The following MOXD1 variants were observed in gnomAD, a reference collection of about 807,000 sequenced individuals.
The protein encoded by MOXD1 is monooxygenase DBH like 1, also known as DBH-like monooxygenase protein 1.
A neutral mutation model predicts 66.6 loss-of-function variants in MOXD1; 62 were observed. The observed-to-expected ratio is 0.93, with a 90% CI of 0.76 to 1.15. The LOEUF (loss-of-function observed/expected upper bound fraction) is 1.15, where lower values mean the gene tolerates loss of function less well. Among genes scored for constraint, MOXD1 ranks in the 50% most tolerant of loss-of-function variants. The probability of loss-of-function intolerance (pLI) is 0.00; values close to 1 mark genes in which losing one functional copy is unlikely to be tolerated. For missense variants in MOXD1, 847 were observed against 754.6 expected, an observed-to-expected ratio of 1.12 and a Z score of -1.44; for synonymous variants, 303 against 281.9, an observed-to-expected ratio of 1.07 and a Z score of -0.75.
At chr6:132,304,395 C>T (rs1412964595) in intron 10 of MOXD1, among the ~76,000 whole-genome samples, 2 of 152,144 alleles carry the variant, frequency 1.3e-5, no homozygotes, top group Non-Finnish European at 2.9e-5. Context: ...TGTTATCCCA[C>T]CCCAAGCCAA....
intron 6 of MOXD1, among the ~76,000 whole-genome samples, chr6:132,327,609 C>T (rs550671056): frequency 1.3e-5 from 2 of 152,284 alleles, no homozygotes; most frequent in East Asian, 3.9e-4. Context: ...GCTTACCACA[C>T]AACAAAATGC....
chr6:132,349,476 TATATAC>T (rs1338421939), intron 4 of MOXD1, among the ~76,000 whole-genome samples: 8 of 39,040 alleles, frequency 2.0e-4, no homozygotes, highest in East Asian at 3.5e-3. Flanking sequence ...CATATATATA[TATATAC>T]ATATATATAT....
At chr6:132,391,903 T>C in intron 1 of MOXD1, 1 of 254,402 alleles carries the variant, frequency 3.9e-6, no homozygotes, top group Non-Finnish European at 7.4e-6. Context: ...AAGAGCATCA[T>C]CCTGTGTTCC....
intron 8 of MOXD1, among the ~76,000 whole-genome samples, chr6:132,321,770 C>T (rs1352055427): frequency 6.6e-6 from 1 of 152,122 alleles, no homozygotes; most frequent in Non-Finnish European, 1.5e-5. Context: ...TCCTTAAGAA[C>T]CTTGACAAGA....
intron 6 of MOXD1, among the ~76,000 whole-genome samples, chr6:132,325,951 T>C (rs995730272): frequency 2.0e-5 from 3 of 152,256 alleles, no homozygotes. Flanking sequence ...CATGATAATG[T>C]AGAATATCTA....
intron 4 of MOXD1, among the ~76,000 whole-genome samples, chr6:132,339,428 GTGC>G (rs1195734549): frequency 6.6e-6 from 1 of 152,180 alleles, no homozygotes; most frequent in African/African-American, 2.4e-5. Context: ...TCTTCGTTAG[GTGC>G]TGAGGGAGGA....
At chr6:132,398,772 C>G (rs923526833) in intron 1 of MOXD1, among the ~76,000 whole-genome samples, 1 of 151,622 alleles carries the variant, frequency 6.6e-6, no homozygotes, top group Non-Finnish European at 1.5e-5. Context: ...AAACCCGGTC[C>G]CTACTAAAAT....
At chr6:132,362,643 G>A (rs1776037062) in intron 4 of MOXD1, among the ~76,000 whole-genome samples, 1 of 152,098 alleles carries the variant, frequency 6.6e-6, no homozygotes, top group African/African-American at 2.4e-5. Flanking sequence ...TTTACAGATC[G>A]TTATAGCAAA....
At chr6:132,302,034 A>C (rs968438624) in intron 10 of MOXD1, among the ~76,000 whole-genome samples, 1 of 152,166 alleles carries the variant, frequency 6.6e-6, no homozygotes, top group Non-Finnish European at 1.5e-5. Flanking sequence ...TTACATATTC[A>C]AGGTAGACTA....
chr6:132,333,689 C>T (rs1775373087), intron 4 of MOXD1, among the ~76,000 whole-genome samples: 1 of 152,148 alleles, frequency 6.6e-6, no homozygotes, highest in Non-Finnish European at 1.5e-5. Context: ...CCCCTGATGA[C>T]ATCAAACTAT....
rs751599668 is a variant in MOXD1, at chr6:132,372,613, T to C, written c.658A>G (p.Ile220Val). ...CCTATGAATGAGTCACATACCTTTA[T>C]TACATGATGCTTTTCTTGGAACACA... is the stretch of plus-strand genomic sequence containing the variant. ...IPVFQEKHHV[I>V]KVEPVIQRGH... The change falls in exon 4 of 12, where the codon ATA (isoleucine) becomes GTA (valine). Residue 220 changes from isoleucine to valine, a missense_variant. Transcript: ENST00000367963. 9.3e-6 allele frequency: 15 copies of C among 1,611,534 alleles called. No homozygotes were observed. In the East Asian group the frequency reaches 3.1e-4, roughly 34 times the overall value.
At chr6:132,344,751 A>G (rs899509684) in intron 4 of MOXD1, among the ~76,000 whole-genome samples, 6 of 152,102 alleles carry the variant, frequency 3.9e-5, no homozygotes, top group Non-Finnish European at 7.4e-5. Flanking sequence ...TTCTGAACTC[A>G]TGAAAGTCCC....
intron 7 of MOXD1, 25 bp from the exon 8 acceptor site, chr6:132,322,895 C>T (rs753475349): frequency 8.2e-6 from 13 of 1,583,478 alleles, no homozygotes; most frequent in African/African-American, 5.4e-5. Flanking sequence ...GAGGAAGACC[C>T]GATTAGCCCA....
intron 10 of MOXD1, among the ~76,000 whole-genome samples, chr6:132,315,225 C>T (rs1448830179): frequency 1.3e-5 from 2 of 152,182 alleles, no homozygotes. Flanking sequence ...GACAACATTC[C>T]ATACATGTTG....
Position 132,354,848 on chromosome 6 carries a change from G to A in MOXD1, c.663+17760C>T, listed in dbSNP as rs559098103. 2.0e-3 allele frequency among the ~76,000 whole-genome samples: 303 copies of A among 152,232 alleles called. 1 individual carries two copies. The highest frequency in any genetic ancestry group is 7.0e-3 in the South Asian group (34 of 4,824). On this transcript the variant is annotated intron_variant, in intron 4 of 11. Transcript: ENST00000367963. ...TTGCTGCAGCTGCTGTGGGGAATGG[G>A]GGTGAGGTTCCCAGGTCAATGGAGT...
intron 4 of MOXD1, among the ~76,000 whole-genome samples, chr6:132,353,714 G>A (rs1186818975): frequency 6.6e-6 from 1 of 152,090 alleles, no homozygotes; most frequent in Non-Finnish European, 1.5e-5. Flanking sequence ...GAGGTCTCTA[G>A]CTAGGCCAAG....
At chr6:132,374,378 C>G (rs189199236) in intron 2 of MOXD1, among the ~76,000 whole-genome samples, 2 of 151,826 alleles carry the variant, frequency 1.3e-5, no homozygotes, top group Admixed American at 1.3e-4. Context: ...CTAAATCATA[C>G]AAATTTTAAA....
intron 1 of MOXD1, among the ~76,000 whole-genome samples, chr6:132,388,410 C>A (rs1776693025): frequency 6.6e-6 from 1 of 151,432 alleles, no homozygotes; most frequent in African/African-American, 2.4e-5. Context: ...CTCTTTACCG[C>A]TCAGCAGATA....
At chr6:132,351,737 C>G (rs577676970) in intron 4 of MOXD1, among the ~76,000 whole-genome samples, 1 of 151,170 alleles carries the variant, frequency 6.6e-6, no homozygotes, top group East Asian at 1.9e-4. Context: ...TCTTTGAATG[C>G]CTGCTGTGAA....
Sources: gnomAD v4.1 joint callset for allele counts (sites outside exome capture counted in the v4.1 genomes callset) on GRCh38, gnomAD v4.1.1 for gene constraint, MANE v1.5 for transcripts, NCBI Gene and HGNC (gene_info 2026-07-23, HGNC 2026-07-21) for gene names.